ATP2A1: variants seen among roughly 807,000 people sequenced by gnomAD.
The protein encoded by ATP2A1 is ATPase sarcoplasmic/endoplasmic reticulum Ca2+ transporting 1.
Under a neutral mutation model 109.5 loss-of-function variants are expected in ATP2A1, and 83 were observed. The observed-to-expected ratio is 0.76, with a 90% CI of 0.63 to 0.91. The LOEUF is 0.91. ATP2A1 is among the 40% of genes least tolerant of loss of function. The probability of loss-of-function intolerance (pLI) is 0.00; values close to 1 mark genes in which losing one functional copy is unlikely to be tolerated. For missense variants in ATP2A1, 1,101 were observed against 1,341.0 expected (o/e 0.82, Z 2.80); for synonymous variants, 505 against 537.6 (o/e 0.94, Z 0.84).
chr16:28,879,706 C>A, intron 3 of ATP2A1, 123 bp downstream of exon 3: 2 of 1,155,692 alleles, frequency 1.7e-6, no homozygotes, highest in Non-Finnish European at 2.5e-6. Context: ...ACAGACGGGG[C>A]GGGCTGGCGC....
Position 28,880,844 on chromosome 16 carries a change from G to A in ATP2A1, c.220-71G>A. ...CTCCTGCACAGTTCTCCCCTTTGCA[G>A]TGGTCCACTTCCTTTCTCCATCTGT... On this transcript the variant is annotated intron_variant, in intron 3 of 22. Coordinates refer to ENST00000395503, the MANE Select transcript of ATP2A1 (RefSeq NM_004320.6). The surrounding 1 kb of genome is among the most constrained non-coding windows in gnomAD (Gnocchi z 4.2). 7.0e-7 allele frequency: 1 copy of A among 1,429,542 alleles called. No individual in the cohort carries two copies. The highest frequency in any genetic ancestry group is 9.9e-7 in the Non-Finnish European group (1 of 1,012,296). 88.6% of individuals were successfully genotyped at this position (1,429,542 alleles called of 1,614,324 possible).
At chr16:28,891,308 T>C (rs1166001536) in intron 9 of ATP2A1, among the ~76,000 whole-genome samples, 1 of 147,650 alleles carries the variant, frequency 6.8e-6, no homozygotes, top group East Asian at 2.0e-4. Context: ...AAAAAAAATA[T>C]AAAAGACCTG....
Position 28,883,661 on chromosome 16 carries a change from C to T in ATP2A1, c.464-914C>T, listed in dbSNP as rs1350563029. 1.3e-5 allele frequency among the ~76,000 whole-genome samples: 2 copies of T among 152,156 alleles called. No homozygotes were observed. Among genetic ancestry groups the T allele is most frequent in the Non-Finnish European group, 2.9e-5 (2 of 68,028 alleles). On this transcript the variant is annotated intron_variant, in intron 5 of 22. Transcript: ENST00000395503. The surrounding 1 kb of genome is among the most constrained non-coding windows in gnomAD (Gnocchi z 5.2). ...GGCTGGGCATCCACCTCTCCAGCCC[C>T]CCGACAAGGTGGTTTCCATGGCCTG...
intron 6 of ATP2A1, among the ~76,000 whole-genome samples, chr16:28,885,353 T>C (rs1343862337): frequency 6.8e-6 from 1 of 147,144 alleles, no homozygotes; most frequent in African/African-American, 2.6e-5. Context: ...TGACATTTTC[T>C]TTTTTTTTTG....
chr16:28,888,721 C>T, intron 8 of ATP2A1, 66 bp from the exon 9 acceptor site: 3 of 1,567,982 alleles, frequency 1.9e-6, no homozygotes, highest in South Asian at 1.2e-5. Context: ...TACTATTTAG[C>T]CCCTTGCAGG....
chr16:28,882,656 G>A (rs1963520287), intron 5 of ATP2A1, 67 bp downstream of exon 5: 11 of 1,592,892 alleles, frequency 6.9e-6, no homozygotes, highest in East Asian at 4.6e-5. Flanking sequence ...GATGCCGGGG[G>A]CTGGTCAGGC....
intron 6 of ATP2A1, among the ~76,000 whole-genome samples, 154 bp from the exon 7 acceptor site, chr16:28,887,035 C>T (rs1963632891): frequency 6.6e-6 from 1 of 151,602 alleles, no homozygotes; most frequent in Non-Finnish European, 1.5e-5. Flanking sequence ...TCCTAGCTGC[C>T]TTCAGTGGCT....
In ATP2A1 at chr16:28,904,361, C is replaced by T. The variant is rs923180892; in HGVS notation, c.*219C>T. On this transcript the variant is annotated 3_prime_UTR_variant, in exon 23 of 23. Transcript: ENST00000395503. ...TTCCCCCTCGGCCACCCGCCTCCCT[C>T]TCAACCTTGTAAATTCCCCTTCCCA... 3.9e-6 allele frequency: 6 copies of T among 1,542,170 alleles called. No individual in the cohort carries two copies. The highest frequency in any genetic ancestry group is 5.2e-6 in the Non-Finnish European group (6 of 1,149,248).
chr16:28,902,736 G>A lies in ATP2A1; in HGVS notation c.2611-42G>A, dbSNP rs1164934014. The stretch of plus-strand genomic sequence containing the variant: ...CAGGAGGGTACCAGGAGGGTGGCAT[G>A]GAGGTGGCCCTGGACCTCAGTCTCC... On this transcript the variant is annotated intron_variant, in intron 18 of 22. Coordinates refer to ENST00000395503, the MANE Select transcript of ATP2A1 (RefSeq NM_004320.6). The surrounding 1 kb of genome is among the most constrained non-coding windows in gnomAD (Gnocchi z 4.8). The A allele has an allele frequency of 6.2e-7, 1 of 1,613,970 alleles. No homozygotes were observed. Among genetic ancestry groups the A allele is most frequent in the South Asian group, 1.1e-5 (1 of 91,076 alleles).
chr16:28,903,445 G>A lies in ATP2A1; in HGVS notation c.2980+5G>A, dbSNP rs903492327. On this transcript the variant is annotated splice_donor_5th_base_variant and intron_variant, in intron 21 of 22. Coordinates refer to ENST00000395503, the MANE Select transcript of ATP2A1 (RefSeq NM_004320.6). This position sits in a 1 kb window ranked among gnomAD's most constrained non-coding sequence, Gnocchi z 5.6. Reference sequence around the variant, plus strand: ...TTGCTCGGAACTACCTAGAGGGTAAGGAGTGCCCTCTCTGTCCCAAGCCCT... The same window carrying A: ...TTGCTCGGAACTACCTAGAGGGTAAAGAGTGCCCTCTCTGTCCCAAGCCCT... The A allele has an allele frequency of 1.2e-6, 2 of 1,607,740 alleles. No individual in the cohort carries two copies. Among genetic ancestry groups the A allele is most frequent in the South Asian group, 2.2e-5 (2 of 90,982 alleles).
chr16:28,904,424 G>A lies in ATP2A1; in HGVS notation c.*282G>A, dbSNP rs569159998. On this transcript the variant is annotated 3_prime_UTR_variant, in exon 23 of 23. Coordinates refer to ENST00000395503, the MANE Select transcript of ATP2A1 (RefSeq NM_004320.6). ...TTGCAGGGACAAGGCGACCGACTGC[G>A]CTGAGCTGCTTATTTATTGAAAATA... is the stretch of plus-strand genomic sequence containing the variant. 4.0e-5 allele frequency: 62 copies of A among 1,532,806 alleles called. 1 individual carries two copies. The highest frequency in any genetic ancestry group is 9.8e-5 in the East Asian group (4 of 40,862). 95.0% of individuals were successfully genotyped at this position (1,532,806 alleles called of 1,614,324 possible).
In ATP2A1 at chr16:28,880,886, CT is replaced by C; in HGVS notation, c.220-28del. 1 of 1,595,364 alleles carries C rather than the reference CT, an allele frequency of 6.3e-7. No homozygotes were observed. Among genetic ancestry groups the C allele is most frequent in the Non-Finnish European group, 8.6e-7 (1 of 1,162,912 alleles). On this transcript the variant is annotated intron_variant, in intron 3 of 22. Coordinates refer to ENST00000395503, the MANE Select transcript of ATP2A1 (RefSeq NM_004320.6). This position sits in a 1 kb window ranked among gnomAD's most constrained non-coding sequence, Gnocchi z 4.2. Reference sequence around the variant, plus strand: ...TCCATCTGTTTTGGGGCCTCATTACCTGTCATTCTCCTTTCCCCTGCTCCCC... The same window carrying C: ...TCCATCTGTTTTGGGGCCTCATTACCGTCATTCTCCTTTCCCCTGCTCCCC...
intron 8 of ATP2A1, among the ~76,000 whole-genome samples, chr16:28,888,303 G>A (rs1354466894): frequency 1.3e-5 from 2 of 152,112 alleles, no homozygotes; most frequent in African/African-American, 4.8e-5. Context: ...AAAGTGCTGG[G>A]GTTACAGGTG....
At position 28,899,564 on chromosome 16, in the gene ATP2A1, G is replaced by A. The variant is rs1213496295; in HGVS notation, c.1765-1017G>A. 2.7e-5 allele frequency among the ~76,000 whole-genome samples: 4 copies of A among 149,824 alleles called. 1 individual carries two copies. The highest frequency in any genetic ancestry group is 1.3e-4 in the Admixed American group (2 of 14,902). On this transcript the variant is annotated intron_variant, in intron 14 of 22. Coordinates refer to ENST00000395503, the MANE Select transcript of ATP2A1 (RefSeq NM_004320.6). ...TGAGGCAGGAGAATCGCTTGAACCT[G>A]GGAGGCGGAGGTTGCAGTGAGCAGA...
intron 12 of ATP2A1, among the ~76,000 whole-genome samples, chr16:28,895,467 C>T (rs984286450): frequency 6.6e-6 from 1 of 152,064 alleles, no homozygotes; most frequent in Admixed American, 6.6e-5. Context: ...ATTATATTCC[C>T]CACATTTCTC....
intron 2 of ATP2A1, 139 bp downstream of exon 2, chr16:28,879,255 A>C: frequency 8.4e-7 from 1 of 1,186,054 alleles, no homozygotes; most frequent in Non-Finnish European, 1.3e-6. Flanking sequence ...TAAAGGTTAG[A>C]GTCCTGTCCG....
Position 28,888,766 on chromosome 16 carries a change from ACCCTCCCT to A in ATP2A1, c.929-13_929-6del, listed in dbSNP as rs1393011166. The A allele has an allele frequency of 6.2e-7, 1 of 1,600,410 alleles. No homozygotes were observed. On this transcript the variant is annotated splice_polypyrimidine_tract_variant and intron_variant, in intron 8 of 22. Transcript: ENST00000395503. ...ACCCTCCCCTTGCAGGTTCCCTCAC[ACCCTCCCT>A]CCCTCCCCACAGGTCTTCCTGCAGT...
chr16:28,892,659 G>T, intron 9 of ATP2A1: 1 of 154,100 alleles, frequency 6.5e-6, no homozygotes. Flanking sequence ...CAGGATTCAG[G>T]GTAGGCCACT....
chr16:28,890,654 ATAAAC>A (rs934333249), intron 9 of ATP2A1, among the ~76,000 whole-genome samples: 1 of 152,062 alleles, frequency 6.6e-6, no homozygotes, highest in Non-Finnish European at 1.5e-5. Context: ...TAAAAAATAA[ATAAAC>A]AAAACAGGAT....
Sources: gnomAD v4.1 joint callset for allele counts (sites outside exome capture counted in the v4.1 genomes callset) on GRCh38, gnomAD v4.1.1 for gene constraint, Gnocchi (gnomAD v3.1) non-coding constraint, MANE v1.5 for transcripts, NCBI Gene and HGNC (gene_info 2026-07-23, HGNC 2026-07-21) for gene names.